SKAP1: variants seen among roughly 807,000 people sequenced by gnomAD.
The protein encoded by SKAP1 is src kinase-associated phosphoprotein 1.
In SKAP1, 44 loss-of-function variants were observed where a neutral mutation model predicts 58.5. That is an observed-to-expected ratio of 0.75 (90% CI 0.59 to 0.97). SKAP1 has a LOEUF of 0.97. Among genes scored for constraint, SKAP1 ranks in the 50% least tolerant of loss-of-function variants. SKAP1 has a pLI of 0.00. For synonymous variants in SKAP1, 127 were observed against 149.7 expected (o/e 0.85, Z 1.11); for missense variants, 390 against 435.2 (o/e 0.90, Z 0.92).
chr17:48,258,154 G>C (rs2065447501), intron 4 of SKAP1, among the ~76,000 whole-genome samples: 1 of 152,086 alleles, frequency 6.6e-6, no homozygotes, highest in Non-Finnish European at 1.5e-5. Context: ...TTCCCAAAAG[G>C]ACAGTCCTCT....
At chr17:48,387,154 T>G (rs2067287941) in intron 2 of SKAP1, among the ~76,000 whole-genome samples, 1 of 152,184 alleles carries the variant, frequency 6.6e-6, no homozygotes, top group African/African-American at 2.4e-5. Flanking sequence ...ATTCGCAAAA[T>G]AAAGTAGCTG....
intron 4 of SKAP1, among the ~76,000 whole-genome samples, chr17:48,230,642 T>C (rs957555726): frequency 6.6e-5 from 10 of 151,840 alleles, no homozygotes; most frequent in Admixed American, 3.3e-4. Flanking sequence ...TGTAGTCTCA[T>C]CTACTTGGGA....
chr17:48,163,589 G>T (rs1189056175), intron 10 of SKAP1, among the ~76,000 whole-genome samples: 2 of 152,150 alleles, frequency 1.3e-5, no homozygotes, highest in African/African-American at 4.8e-5. Flanking sequence ...AAATTCAATA[G>T]ATGGGAGTCA....
At chr17:48,413,526 ATAT>A (rs1567905623) in intron 1 of SKAP1, among the ~76,000 whole-genome samples, 3 of 122,642 alleles carry the variant, frequency 2.4e-5, no homozygotes, top group South Asian at 4.8e-4. Context: ...AAAAAAAAAT[ATAT>A]ATATATATAT....
intron 1 of SKAP1, among the ~76,000 whole-genome samples, chr17:48,421,181 T>C (rs1276231130): frequency 1.3e-5 from 2 of 152,070 alleles, no homozygotes; most frequent in Admixed American, 1.3e-4. Flanking sequence ...GAAGTTCAAA[T>C]ATCTCTACCA....
intron 4 of SKAP1, among the ~76,000 whole-genome samples, chr17:48,291,267 T>G (rs2065893767): frequency 6.6e-6 from 1 of 152,206 alleles, no homozygotes; most frequent in Non-Finnish European, 1.5e-5. Flanking sequence ...TCACTGAAAA[T>G]TTGAGAGTTA....
intron 4 of SKAP1, among the ~76,000 whole-genome samples, chr17:48,270,436 C>A (rs1009041069): frequency 1.3e-5 from 2 of 151,876 alleles, no homozygotes; most frequent in Non-Finnish European, 2.9e-5. Context: ...CTCCACCTCC[C>A]GGGTTCAAGC....
chr17:48,230,707 C>T (rs955102996), intron 4 of SKAP1, among the ~76,000 whole-genome samples: 5 of 152,092 alleles, frequency 3.3e-5, no homozygotes, highest in South Asian at 2.1e-4. Flanking sequence ...CGGTGAGCCA[C>T]GATCATGCCA....
At chr17:48,413,523 A>AAAAAAAATATATAT in intron 1 of SKAP1, among the ~76,000 whole-genome samples, 1 of 105,452 alleles carries the variant, frequency 9.5e-6, no homozygotes, top group African/African-American at 4.3e-5. Flanking sequence ...TCAAAAAAAA[A>AAAAAAAATATATAT]ATATATATAT....
the SKAP1 span, among the ~76,000 whole-genome samples, chr17:48,442,825 C>T: frequency 6.6e-6 from 1 of 152,172 alleles, no homozygotes; most frequent in Non-Finnish European, 1.5e-5. Context: ...CACCCTAAAA[C>T]CAGTGATGTC....
intron 4 of SKAP1, among the ~76,000 whole-genome samples, chr17:48,273,172 C>T (rs927265670): frequency 5.9e-5 from 9 of 152,160 alleles, no homozygotes; most frequent in African/African-American, 1.2e-4. Context: ...CAACCACACT[C>T]GATACCCTTT....
At chr17:48,403,963 C>T (rs2067535685) in intron 1 of SKAP1, among the ~76,000 whole-genome samples, 1 of 151,750 alleles carries the variant, frequency 6.6e-6, no homozygotes, top group Non-Finnish European at 1.5e-5. Context: ...ATGGCGGACA[C>T]CTGTAATCCT....
chr17:48,307,820 A>G (rs1378187823), intron 4 of SKAP1: 1 of 152,178 alleles, frequency 6.6e-6, no homozygotes, highest in Non-Finnish European at 1.5e-5. Context: ...AGGATAATGT[A>G]TATTTACAAC....
chr17:48,292,040 G>A (rs1012077174), intron 4 of SKAP1, among the ~76,000 whole-genome samples: 1 of 149,120 alleles, frequency 6.7e-6, no homozygotes, highest in Non-Finnish European at 1.5e-5. Context: ...TCAGATAAGG[G>A]TTTATTTCTT....
At chr17:48,438,883 A>T in the SKAP1 span, among the ~76,000 whole-genome samples, 1 of 152,112 alleles carries the variant, frequency 6.6e-6, no homozygotes, top group East Asian at 1.9e-4. Context: ...AGTGTGTGGG[A>T]GGGTTGATGG....
intron 2 of SKAP1, among the ~76,000 whole-genome samples, chr17:48,371,003 T>A (rs1422954865): frequency 2.6e-5 from 4 of 152,218 alleles, no homozygotes; most frequent in African/African-American, 9.6e-5. Context: ...CTGGAGGCCA[T>A]TATTCTAAGC....
intron 4 of SKAP1, among the ~76,000 whole-genome samples, chr17:48,255,296 G>T (rs1235124445): frequency 6.6e-6 from 1 of 151,900 alleles, no homozygotes; most frequent in Non-Finnish European, 1.5e-5. Context: ...ACTCATTAAA[G>T]GTGACCTCCA....
At chr17:48,393,660 GCTA>G (rs2067377727) in intron 2 of SKAP1, among the ~76,000 whole-genome samples, 1 of 152,044 alleles carries the variant, frequency 6.6e-6, no homozygotes, top group Non-Finnish European at 1.5e-5. Flanking sequence ...CACAGACAGT[GCTA>G]CTTTTATTTC....
intron 4 of SKAP1, among the ~76,000 whole-genome samples, chr17:48,193,970 C>T (rs2064587505): frequency 6.6e-6 from 1 of 151,948 alleles, no homozygotes; most frequent in South Asian, 2.1e-4. Context: ...GAAAAGATAT[C>T]ACCACCGTCA....
Sources: allele counts gnomAD v4.1 joint callset (sites outside exome capture counted in the v4.1 genomes callset), GRCh38; gene constraint gnomAD v4.1.1; transcripts MANE v1.5; gene names NCBI Gene and HGNC (gene_info 2026-07-23, HGNC 2026-07-21).